ZNF875: variants seen among roughly 807,000 people sequenced by gnomAD.
ZNF875 encodes HKR1, GLI-Kruppel zinc finger family member.
In ZNF875, 14 loss-of-function variants were observed where a neutral mutation model predicts 11.2. That is an observed-to-expected ratio of 1.26 (90% CI 0.83 to 1.96). The LOEUF (loss-of-function observed/expected upper bound fraction) is 1.96. Ranked by LOEUF, ZNF875 falls within the 30% of genes most tolerant of loss-of-function variation. The probability of loss-of-function intolerance (pLI) is 0.00; values close to 1 mark genes in which losing one functional copy is unlikely to be tolerated. For synonymous variants in ZNF875, 301 were observed against 281.1 expected, an observed-to-expected ratio of 1.07 and a Z score of -0.71; for missense variants, 752 against 760.4, an observed-to-expected ratio of 0.99 and a Z score of 0.13.
chr19:37,337,966 G>A (rs1453619167), intron 2 of ZNF875, among the ~76,000 whole-genome samples: 2 of 152,134 alleles, frequency 1.3e-5, no homozygotes, highest in African/African-American at 4.8e-5. Flanking sequence ...GACTCCAGTG[G>A]TGGGGATTAT....
rs926281665 is a variant in ZNF875 at position 37,364,096 on chromosome 19, C to G, written c.*321C>G. ...GATAGGGGTGGGTACCTGGTGAAACCCAACCTTAAAGCTGAAGACAGTCCC... is the reference window on the plus strand; with the variant it reads ...GATAGGGGTGGGTACCTGGTGAAACGCAACCTTAAAGCTGAAGACAGTCCC... On this transcript the variant is annotated 3_prime_UTR_variant, in exon 5 of 5. Transcript: ENST00000392153. 1 of 312,972 alleles carries G rather than the reference C, an allele frequency of 3.2e-6. No individual in the cohort carries two copies. The highest frequency in any genetic ancestry group is 6.2e-5 in the East Asian group (1 of 16,032). 19.4% of individuals were successfully genotyped at this position (312,972 alleles called of 1,614,324 possible). A position where few individuals can be genotyped will look rare whatever the true frequency, so the allele number is the denominator to read the frequency against.
Position 37,362,157 on chromosome 19 carries a change from C to T in ZNF875, c.305C>T (p.Ser102Phe), listed in dbSNP as rs201374559. 8.7e-6 allele frequency: 14 copies of T among 1,613,918 alleles called. No homozygotes were observed. The highest frequency in any genetic ancestry group is 1.0e-5 in the Non-Finnish European group (12 of 1,179,990). The change falls in exon 5 of 5, where the codon TCC (serine) becomes TTC (phenylalanine). Residue 102 changes from serine (S) to phenylalanine (F), a missense_variant. Physicochemically the swap from Ser to Phe is radical, Grantham distance 155. Transcript: ENST00000392153. ...AGTCCCTCCTGCCCTCTGATTTTCTCCAGTCAGCAAGCTCTCAGCCAACAT... is the reference window on the plus strand; with the variant it reads ...AGTCCCTCCTGCCCTCTGATTTTCTTCAGTCAGCAAGCTCTCAGCCAACAT... Reference protein sequence around the residue: ...QLSPSCPLIFSSQQALSQHVW... With the variant: ...QLSPSCPLIFFSQQALSQHVW...
chr19:37,317,041 C>G (rs1599839061), upstream of ZNF875: 1 of 151,270 alleles, frequency 6.6e-6, no homozygotes, highest in African/African-American at 2.4e-5. Flanking sequence ...GTGGCGCGAT[C>G]TCGGCTCACT....
upstream of ZNF875, among the ~76,000 whole-genome samples, chr19:37,331,186 C>CAAA (rs71177440): frequency 1.3e-4 from 10 of 74,724 alleles, no homozygotes; most frequent in Admixed American, 2.3e-4. Flanking sequence ...GACTCTGTCT[C>CAAA]AAAAAAAAAA....
intron 3 of ZNF875, chr19:37,347,521 G>T: frequency 1.6e-6 from 1 of 618,500 alleles, no homozygotes; most frequent in South Asian, 2.1e-5. Flanking sequence ...TACATTTCCA[G>T]GCCTGTTTCC....
At chr19:37,333,202 T>C, upstream of ZNF875, among the ~76,000 whole-genome samples, 1 of 152,156 alleles carries the variant, frequency 6.6e-6, no homozygotes, top group Non-Finnish European at 1.5e-5. Context: ...AACATAGTGA[T>C]TTGGATTATC....
At chr19:37,351,654 T>C (rs2037919686) in intron 4 of ZNF875, among the ~76,000 whole-genome samples, 1 of 152,238 alleles carries the variant, frequency 6.6e-6, no homozygotes, top group African/African-American at 2.4e-5. Flanking sequence ...TTTTCTAATT[T>C]TCTTATTTTT....
upstream of ZNF875, among the ~76,000 whole-genome samples, chr19:37,334,246 C>G (rs2033827613): frequency 6.6e-6 from 1 of 152,190 alleles, no homozygotes; most frequent in South Asian, 2.1e-4. Flanking sequence ...TCGTCTCTCC[C>G]TGAGCCGCGT....
chr19:37,314,221 CCCA>C (rs1432942634), upstream of ZNF875, among the ~76,000 whole-genome samples: 1 of 152,108 alleles, frequency 6.6e-6, no homozygotes, highest in East Asian at 1.9e-4. Flanking sequence ...AAGAGATCCT[CCCA>C]CGTTAACCTA....
At chr19:37,344,735 C>T (rs143856884) in intron 2 of ZNF875, 45 of 1,611,388 alleles carry the variant, frequency 2.8e-5, no homozygotes, top group Middle Eastern at 1.6e-4. Flanking sequence ...GCATGGTTCA[C>T]AGACAAACCA....
In ZNF875 at chr19:37,363,138, G is replaced by A. The variant is rs2921563; in HGVS notation, c.1286G>A (p.Arg429His). The A allele has an allele frequency of 0.045, 73,048 of 1,613,674 alleles. 2,480 individuals are homozygous for A. Among genetic ancestry groups the A allele is most frequent in the African/African-American group, 0.17 (12,903 of 74,822 alleles). The stretch of plus-strand genomic sequence containing the variant: ...CCTTATGTATGCACAGAATGTGGGC[G>A]TCACTTTAGCTGGAAATCAAACCTC... ...EKPYVCTECG[R>H]HFSWKSNLKT... is the part of the protein sequence containing the mutation. The change falls in exon 5 of 5, where the codon CGT becomes CAT. Residue 429 changes from arginine to histidine, a missense_variant. Transcript: ENST00000392153.
chr19:37,350,107 T>G (rs2037573475), intron 4 of ZNF875, among the ~76,000 whole-genome samples: 1 of 63,320 alleles, frequency 1.6e-5, no homozygotes, highest in African/African-American at 9.7e-5. Context: ...CCCACTGGCC[T>G]TTTTTTTTTT....
chr19:37,341,406 G>A (rs542908738), intron 2 of ZNF875, among the ~76,000 whole-genome samples: 40 of 152,316 alleles, frequency 2.6e-4, no homozygotes, highest in Non-Finnish European at 4.9e-4. Context: ...GTGACAGGAA[G>A]CTGGTTGGCT....
At chr19:37,347,046 A>G in intron 2 of ZNF875, 144 bp from the exon 3 acceptor site, 1 of 934,858 alleles carries the variant, frequency 1.1e-6, no homozygotes, top group Non-Finnish European at 1.7e-6. Context: ...CAAACTCTCG[A>G]CCTCAGGTGA....
chr19:37,339,856 G>T (rs927516961), intron 2 of ZNF875, among the ~76,000 whole-genome samples: 1 of 147,480 alleles, frequency 6.8e-6, no homozygotes, highest in Non-Finnish European at 1.5e-5. Flanking sequence ...TGAGCACCGC[G>T]GCTGGCCCTG....
upstream of ZNF875, among the ~76,000 whole-genome samples, chr19:37,330,142 CCTAT>C (rs1248320655): frequency 6.6e-6 from 1 of 151,608 alleles, no homozygotes; most frequent in Non-Finnish European, 1.5e-5. Flanking sequence ...CTGATTTTTA[CCTAT>C]CTTTTAAATT....
chr19:37,349,144 CTG>C (rs1030986199), intron 4 of ZNF875, among the ~76,000 whole-genome samples: 26 of 152,296 alleles, frequency 1.7e-4, no homozygotes, highest in Admixed American at 1.2e-3. Flanking sequence ...GTGTGTGTCT[CTG>C]TGTCCAAATT....
At chr19:37,330,103 AAAAT>A (rs1282005885), upstream of ZNF875, among the ~76,000 whole-genome samples, 1 of 152,312 alleles carries the variant, frequency 6.6e-6, no homozygotes, top group East Asian at 1.9e-4. Flanking sequence ...ATATGTTTGA[AAAAT>A]AAAGAATATT....
intron 4 of ZNF875, among the ~76,000 whole-genome samples, chr19:37,356,925 C>T (rs2039010664): frequency 6.6e-6 from 1 of 151,802 alleles, no homozygotes; most frequent in African/African-American, 2.4e-5. Flanking sequence ...AGAAGTTTTT[C>T]CTAGTTTTCC....
Sources: allele counts gnomAD v4.1 joint callset (sites outside exome capture counted in the v4.1 genomes callset), GRCh38; gene constraint gnomAD v4.1.1; transcripts MANE v1.5; gene names NCBI Gene and HGNC (gene_info 2026-07-23, HGNC 2026-07-21).